ACTN1: variants seen among roughly 807,000 people sequenced by gnomAD.
ACTN1 encodes the protein alpha-actinin-1.
In ACTN1, 30 loss-of-function variants were observed where a neutral mutation model predicts 119.6. The observed-to-expected ratio is 0.25, with a 90% CI of 0.19 to 0.34. The LOEUF is 0.34. Ranked by LOEUF, ACTN1 falls within the 10% of genes least tolerant of loss-of-function variation. ACTN1 has a pLI of 1.00. For missense variants in ACTN1, 764 were observed against 1,223.4 expected (o/e 0.62, Z 5.60); for synonymous variants, 429 against 472.6 (o/e 0.91, Z 1.20).
chr14:68,876,971 C>T, intron 21 of ACTN1, 111 bp downstream of exon 21: 1 of 1,343,778 alleles, frequency 7.4e-7, no homozygotes, highest in South Asian at 1.4e-5. Flanking sequence ...GGCCAAAGGA[C>T]CCTGGAAGAA....
chr14:68,885,647 C>A lies in ACTN1; in HGVS notation c.1235-72G>T. On this transcript the variant is annotated intron_variant, in intron 11 of 21. Transcript: ENST00000394419. This position sits in a 1 kb window ranked among gnomAD's most constrained non-coding sequence, Gnocchi z 5.6. ...TCCTTGGTCCCAACCGCCCACCCCTCAGGGCCCCAGGAGCTCCACTTCTGG... is the reference window on the plus strand; with the variant it reads ...TCCTTGGTCCCAACCGCCCACCCCTAAGGGCCCCAGGAGCTCCACTTCTGG... 1 of 1,530,154 alleles carries A rather than the reference C, an allele frequency of 6.5e-7. No individual in the cohort carries two copies. Among genetic ancestry groups the A allele is most frequent in the South Asian group, 1.2e-5 (1 of 84,290 alleles). 94.8% of individuals were successfully genotyped at this position (1,530,154 alleles called of 1,614,324 possible). A position where few individuals can be genotyped will look rare whatever the true frequency, so the allele number is the denominator to read the frequency against.
chr14:68,979,006 C>G lies in ACTN1; in HGVS notation c.51G>C (p.Glu17Asp). The G allele has an allele frequency of 6.2e-7, 1 of 1,604,922 alleles. No individual in the cohort carries two copies. The highest frequency in any genetic ancestry group is 1.3e-5 in the African/African-American group (1 of 74,388). Residue 17 changes from glutamate to aspartate, a missense_variant, in exon 1 of 22, where the codon GAG becomes GAC. This residue lies in a region of ACTN1 where 64 missense variants were observed against 80.0 expected (regional missense o/e 0.80). Transcript: ENST00000394419. ...QQTNDYMQPE[E>D]DWDRDLLLDP... ...CCAGGAGCAGGTCCCGGTCCCAGTC[C>G]TCTTCTGGCTGCATGTAATCGTTGG...
intron 1 of ACTN1, among the ~76,000 whole-genome samples, chr14:68,951,169 G>C (rs1290332252): frequency 6.6e-6 from 1 of 152,196 alleles, no homozygotes; most frequent in Non-Finnish European, 1.5e-5. Flanking sequence ...GGGGTGACGG[G>C]CAGGCTCCTC....
Position 68,885,363 on chromosome 14 carries a change from G to A in ACTN1, c.1385+62C>T. 1.5e-6 allele frequency: 2 copies of A among 1,314,954 alleles called. No homozygotes were observed. The highest frequency in any genetic ancestry group is 2.0e-6 in the Non-Finnish European group (2 of 988,952). 81.5% of individuals were successfully genotyped at this position (1,314,954 alleles called of 1,614,324 possible). A position where few individuals can be genotyped will look rare whatever the true frequency, so the allele number is the denominator to read the frequency against. The stretch of plus-strand genomic sequence containing the variant: ...CACGGCCACACCCCCACCTCCCCCA[G>A]CAGCTGAGAAAGCCCAGCCTCAGCC... On this transcript the variant is annotated intron_variant, in intron 12 of 21. Transcript: ENST00000394419. The surrounding 1 kb of genome is among the most constrained non-coding windows in gnomAD (Gnocchi z 5.6).
Position 68,909,229 on chromosome 14 carries a change from T to C in ACTN1, c.594+89A>G, listed in dbSNP as rs1033913753. 3.8e-6 allele frequency: 5 copies of C among 1,303,904 alleles called. No individual in the cohort carries two copies. The highest frequency in any genetic ancestry group is 5.5e-6 in the Non-Finnish European group (5 of 906,010). 80.8% of individuals were successfully genotyped at this position (1,303,904 alleles called of 1,614,324 possible). ...GGCCAACACTGCTCAGGCTGGACCA[T>C]GGACTGTCACAACAAGGGTCCTAGT... On this transcript the variant is annotated intron_variant, in intron 6 of 21. Transcript: ENST00000394419. The surrounding 1 kb of genome is among the most constrained non-coding windows in gnomAD (Gnocchi z 4.1).
intron 1 of ACTN1, among the ~76,000 whole-genome samples, chr14:68,946,797 C>A (rs1416303651): frequency 6.6e-6 from 1 of 152,170 alleles, no homozygotes; most frequent in African/African-American, 2.4e-5. Context: ...TCAGCCCTCA[C>A]CTCCTTCCTG....
intron 1 of ACTN1, among the ~76,000 whole-genome samples, chr14:68,960,684 G>T (rs1187868573): frequency 6.6e-6 from 1 of 151,840 alleles, no homozygotes. Context: ...GCCAGGCGGG[G>T]AGGATCACTT....
rs58500225 is a variant in ACTN1 at position 68,881,955 on chromosome 14, T to TTTTTTTTTTTTTTTTTTTTTTTTGA, written c.1953+502_1953+503insTCAAAAAAAAAAAAAAAAAAAAAAA. 8.9e-4 allele frequency among the ~76,000 whole-genome samples: 92 copies of TTTTTTTTTTTTTTTTTTTTTTTTGA among 102,954 alleles called. 10 individuals are homozygous for TTTTTTTTTTTTTTTTTTTTTTTTGA. Among genetic ancestry groups the TTTTTTTTTTTTTTTTTTTTTTTTGA allele is most frequent in the Non-Finnish European group, 1.2e-3 (67 of 54,182 alleles). 67.5% of individuals were successfully genotyped at this position (102,954 alleles called of 152,430 possible). A position where few individuals can be genotyped will look rare whatever the true frequency, so the allele number is the denominator to read the frequency against. ...CAGCTTCTTTTTTTTTTTTTTTTTT[T>TTTTTTTTTTTTTTTTTTTTTTTTGA]GACAGAGTCTTGCTCTGTTGCCCAA... On this transcript the variant is annotated intron_variant, in intron 16 of 21. Coordinates refer to ENST00000394419, the MANE Select transcript of ACTN1 (RefSeq NM_001130004.2).
chr14:68,912,068 C>T (rs932764414), intron 4 of ACTN1, 88 bp downstream of exon 4: 9 of 1,215,750 alleles, frequency 7.4e-6, no homozygotes, highest in East Asian at 4.8e-5. Flanking sequence ...GATCAACGTC[C>T]GTTGCCCTGG....
At chr14:68,978,855 C>A in intron 1 of ACTN1, 97 bp downstream of exon 1, 1 of 808,672 alleles carries the variant, frequency 1.2e-6, no homozygotes, top group Non-Finnish European at 1.8e-6. Context: ...GCGCCCGGAA[C>A]CGGTTCAGAG....
intron 1 of ACTN1, among the ~76,000 whole-genome samples, chr14:68,962,112 G>A (rs903801723): frequency 2.0e-5 from 3 of 152,218 alleles, no homozygotes; most frequent in African/African-American, 7.2e-5. Flanking sequence ...AACTAGGCTA[G>A]CAGCTTCCCC....
intron 10 of ACTN1, 41 bp downstream of exon 10, chr14:68,892,012 G>A: frequency 6.2e-7 from 1 of 1,604,968 alleles, no homozygotes; most frequent in Non-Finnish European, 8.5e-7. Flanking sequence ...AGAGGTGGAG[G>A]CAGTCCAGTC....
At chr14:68,940,254 A>AT (rs1336325240) in intron 1 of ACTN1, among the ~76,000 whole-genome samples, 3 of 152,172 alleles carry the variant, frequency 2.0e-5, no homozygotes, top group African/African-American at 7.2e-5. Flanking sequence ...AAGTGAGGTC[A>AT]TTTGGTTTTT....
In ACTN1 at chr14:68,878,355, C is replaced by A; in HGVS notation, c.2427+103G>T. The stretch of plus-strand genomic sequence containing the variant: ...CCTGGGGCTCCTCCAGGGAGGGCAG[C>A]CCCTAGCCTGAGGGCCTCCAGCCTG... On this transcript the variant is annotated intron_variant, in intron 20 of 21. Coordinates refer to ENST00000394419, the MANE Select transcript of ACTN1 (RefSeq NM_001130004.2). The surrounding 1 kb of genome is among the most constrained non-coding windows in gnomAD (Gnocchi z 4.4). 1.4e-6 allele frequency: 2 copies of A among 1,461,130 alleles called. No individual in the cohort carries two copies. Among genetic ancestry groups the A allele is most frequent in the South Asian group, 1.4e-5 (1 of 69,538 alleles). The allele number at this position is 1,461,130 out of a possible 1,614,324, so 90.5% of individuals were successfully genotyped here. A position where few individuals can be genotyped will look rare whatever the true frequency, so the allele number is the denominator to read the frequency against.
intron 11 of ACTN1, among the ~76,000 whole-genome samples, chr14:68,889,101 C>T (rs996208203): frequency 3.3e-5 from 5 of 152,192 alleles, no homozygotes; most frequent in African/African-American, 1.2e-4. Flanking sequence ...GCCGGAGGGG[C>T]CCCAGCAGAT....
chr14:68,944,938 G>T (rs563871257), intron 1 of ACTN1, among the ~76,000 whole-genome samples: 1 of 148,790 alleles, frequency 6.7e-6, no homozygotes, highest in South Asian at 2.3e-4. Context: ...CGTGTGTGGA[G>T]CAGGTAGCTG....
At chr14:68,894,897 G>C (rs2032762159) in intron 8 of ACTN1, among the ~76,000 whole-genome samples, 1 of 152,198 alleles carries the variant, frequency 6.6e-6, no homozygotes, top group Non-Finnish European at 1.5e-5. Context: ...AGAGCTTCCT[G>C]AGAATGAACG....
intron 8 of ACTN1, among the ~76,000 whole-genome samples, chr14:68,894,738 T>C (rs1346501848): frequency 4.6e-5 from 7 of 152,004 alleles, no homozygotes; most frequent in Non-Finnish European, 5.9e-5. Flanking sequence ...AAGACAGACA[T>C]GCATCCTGAG....
Position 68,934,029 on chromosome 14 carries a change from G to A in ACTN1, c.106-8357C>T, listed in dbSNP as rs184018462. 1.5e-4 allele frequency among the ~76,000 whole-genome samples: 22 copies of A among 151,276 alleles called. No individual in the cohort carries two copies. The East Asian group carries it at 4.1e-3, about 28-fold the overall frequency. On this transcript the variant is annotated intron_variant, in intron 1 of 21. Transcript: ENST00000394419. Reference sequence around the variant, plus strand: ...TTTTTATGTAGACTCCCTCAGTTTTGAAATGCTGCCACAATATAAAAATAA... The same window carrying A: ...TTTTTATGTAGACTCCCTCAGTTTTAAAATGCTGCCACAATATAAAAATAA...
Sources: gnomAD v4.1 joint callset for allele counts (sites outside exome capture counted in the v4.1 genomes callset) on GRCh38, gnomAD v4.1.1 for gene constraint, gnomAD v4.1.1 regional missense constraint, Gnocchi (gnomAD v3.1) non-coding constraint, MANE v1.5 for transcripts, NCBI Gene and HGNC (gene_info 2026-07-23, HGNC 2026-07-21) for gene names.